CRMP1: variants seen among roughly 807,000 people sequenced by gnomAD.
CRMP1 encodes dihydropyrimidinase-related protein 1.
Under a neutral mutation model 68.3 loss-of-function variants are expected in CRMP1, and 19 were observed. The ratio of observed to expected loss-of-function variants is 0.28; its 90% CI spans 0.19 to 0.41. The LOEUF is 0.41. Ranked by LOEUF, CRMP1 falls within the 10% of genes least tolerant of loss-of-function variation. CRMP1 has a pLI of 1.00. For synonymous variants in CRMP1, 439 were observed against 399.6 expected (o/e 1.10, Z -1.18); for missense variants, 791 against 967.4 (o/e 0.82, Z 2.42).
In CRMP1 at chr4:5,893,076, G is replaced by A. The variant is rs1348973168; in HGVS notation, c.-107C>T. 1.6e-4 allele frequency: 128 copies of A among 783,656 alleles called. No homozygotes were observed. Among genetic ancestry groups the A allele is most frequent in the Non-Finnish European group, 1.9e-4 (123 of 647,160 alleles). 48.5% of individuals were successfully genotyped at this position (783,656 alleles called of 1,614,324 possible). On this transcript the variant is annotated 5_prime_UTR_variant, in exon 1 of 14. Transcript: ENST00000324989. ...CTCGGTGCGGGCCTGCGGCGGCCCGGGCGCGACTGCGGCCCAGGGAGGGGA... is the reference window on the plus strand; with the variant it reads ...CTCGGTGCGGGCCTGCGGCGGCCCGAGCGCGACTGCGGCCCAGGGAGGGGA...
At position 5,860,210 on chromosome 4, in the gene CRMP1, G is replaced by A. The variant is rs904515191; in HGVS notation, c.655+816C>T. ...ACTGACCTTGGCCAATGGAATGTGG[G>A]TGGAAGTTGCAGCATGGAAGTGAGG... On this transcript the variant is annotated intron_variant, in intron 3 of 13. Coordinates refer to ENST00000324989, the MANE Select transcript of CRMP1 (RefSeq NM_001014809.3). The surrounding 1 kb of genome is among the most constrained non-coding windows in gnomAD (Gnocchi z 4.2). 6.6e-6 allele frequency among the ~76,000 whole-genome samples: 1 copy of A among 152,192 alleles called. No individual in the cohort carries two copies.
Position 5,839,584 on chromosome 4 carries a change from C to A in CRMP1, c.1248G>T (p.Val416=). The A allele has an allele frequency of 6.2e-7, 1 of 1,612,678 alleles. No homozygotes were observed. Among genetic ancestry groups the A allele is most frequent in the Non-Finnish European group, 8.5e-7 (1 of 1,179,418 alleles). ...SKNWAKAAAF[V]TSPPLSPDPT... ...GGTCCGGGCTCAGGGGAGGGGAAGT[C>A]ACGAACGCCGCAGCCTTGGCCCAGT... The change falls in exon 9 of 14, where the codon GTG becomes GTT. Residue 416 remains valine (V), a synonymous_variant. Transcript: ENST00000324989.
Position 5,853,628 on chromosome 4 carries a change from G to C in CRMP1, c.821-2159C>G, listed in dbSNP as rs562584606. Among the ~76,000 whole-genome samples, 32 of 152,252 alleles carry C rather than the reference G, an allele frequency of 2.1e-4. No individual in the cohort carries two copies. Among genetic ancestry groups the C allele is most frequent in the Middle Eastern group, 3.4e-3 (1 of 294 alleles). ...AGGAATTGAAATCAGAATACCCAGG[G>C]GATATCCCCACTCCCGTGTTCATTG... On this transcript the variant is annotated intron_variant, in intron 4 of 13. Transcript: ENST00000324989. This position sits in a 1 kb window ranked among gnomAD's most constrained non-coding sequence, Gnocchi z 4.7.
rs1220264278 is a variant in CRMP1 at position 5,888,868 on chromosome 4, C to A, written c.381+3721G>T. Among the ~76,000 whole-genome samples the A allele has an allele frequency of 6.6e-6, 1 of 151,880 alleles. No homozygotes were observed. Among genetic ancestry groups the A allele is most frequent in the Non-Finnish European group, 1.5e-5 (1 of 67,940 alleles). Reference sequence around the variant, plus strand: ...GTGTGGGACGGGGGCCAAGGATCGGCCCAAGCTGCTGGGAACGTTCTTGTC... The same window carrying A: ...GTGTGGGACGGGGGCCAAGGATCGGACCAAGCTGCTGGGAACGTTCTTGTC... On this transcript the variant is annotated intron_variant, in intron 1 of 13. Coordinates refer to ENST00000324989, the MANE Select transcript of CRMP1 (RefSeq NM_001014809.3). This position sits in a 1 kb window ranked among gnomAD's most constrained non-coding sequence, Gnocchi z 6.4.
rs1233225331 is a variant in CRMP1, at chr4:5,854,409, T to C, written c.820+1734A>G. ...ACCACTCCTGGCTATGTTTTTTTTT[T>C]TTTTTTTTTTTTTTTAATAGAGTCG... On this transcript the variant is annotated intron_variant, in intron 4 of 13. Coordinates refer to ENST00000324989, the MANE Select transcript of CRMP1 (RefSeq NM_001014809.3). The surrounding 1 kb of genome is among the most constrained non-coding windows in gnomAD (Gnocchi z 4.0). 1.4e-5 allele frequency among the ~76,000 whole-genome samples: 2 copies of C among 147,094 alleles called. No individual in the cohort carries two copies. Among genetic ancestry groups the C allele is most frequent in the Non-Finnish European group, 3.0e-5 (2 of 66,734 alleles).
At chr4:5,845,678 TTTG>T (rs1712135774) in intron 6 of CRMP1, among the ~76,000 whole-genome samples, 1 of 152,198 alleles carries the variant, frequency 6.6e-6, no homozygotes. Flanking sequence ...TCTGAAGTAA[TTTG>T]TTATGCAATC....
Position 5,888,103 on chromosome 4 carries a change from C to T in CRMP1, c.381+4486G>A. On this transcript the variant is annotated intron_variant, in intron 1 of 13. Coordinates refer to ENST00000324989, the MANE Select transcript of CRMP1 (RefSeq NM_001014809.3). The surrounding 1 kb of genome is among the most constrained non-coding windows in gnomAD (Gnocchi z 6.4). ...AAATCCCGAGACCGGCCCCGCCCCA[C>T]CCGCGGCGACGCAGGAGGCCTCGGG... 8.9e-7 allele frequency: 1 copy of T among 1,127,628 alleles called. No individual in the cohort carries two copies. 69.9% of individuals were successfully genotyped at this position (1,127,628 alleles called of 1,614,324 possible).
At chr4:5,823,544 T>C (rs1260090308) in intron 13 of CRMP1, among the ~76,000 whole-genome samples, 1 of 152,216 alleles carries the variant, frequency 6.6e-6, no homozygotes, top group Non-Finnish European at 1.5e-5. Flanking sequence ...GGGGTTTGGG[T>C]CATGAAGGAC....
In CRMP1 at chr4:5,861,165, A is replaced by C; in HGVS notation, c.516T>G (p.Ile172Met). 1 of 1,614,214 alleles carries C rather than the reference A, an allele frequency of 6.2e-7. No individual in the cohort carries two copies. Among genetic ancestry groups the C allele is most frequent in the Non-Finnish European group, 8.5e-7 (1 of 1,180,038 alleles). The change falls in exon 3 of 14, where the codon ATT (isoleucine) becomes ATG (methionine). Residue 172 changes from isoleucine to methionine, a missense_variant. By Grantham distance (10) the Ile-to-Met change is conservative. Around this residue, in one of 3 missense-constraint regions of CRMP1, gnomAD observed 594 missense variants for 763.6 expected, o/e 0.78. Transcript: ENST00000324989. This position sits in a 1 kb window ranked among gnomAD's most constrained non-coding sequence, Gnocchi z 6.0. ...NLIVPGGVKT[I>M]EANGRMVIPG... ...GAATAACCATCCGCCCGTTGGCTTC[A>C]ATGGTCTTCACTCCACCAGGAACGA...
chr4:5,868,261 CTA>C (rs60816757), intron 1 of CRMP1, among the ~76,000 whole-genome samples: 4,568 of 110,940 alleles, frequency 0.041, 100 homozygotes, highest in Non-Finnish European at 0.049. Context: ...GACTATATAT[CTA>C]TATATATATA....
Position 5,865,390 on chromosome 4 carries a change from G to C in CRMP1, c.470+1278C>G, listed in dbSNP as rs1027818411. Reference sequence around the variant, plus strand: ...TAATCCCAGCACTTTGGGAGGCCGAGGCGAGCGGATCACGAGGTCAGGAGA... The same window carrying C: ...TAATCCCAGCACTTTGGGAGGCCGACGCGAGCGGATCACGAGGTCAGGAGA... On this transcript the variant is annotated intron_variant, in intron 2 of 13. Transcript: ENST00000324989. The surrounding 1 kb of genome is among the most constrained non-coding windows in gnomAD (Gnocchi z 4.1). 3.9e-5 allele frequency among the ~76,000 whole-genome samples: 6 copies of C among 152,086 alleles called. No individual in the cohort carries two copies. The highest frequency in any genetic ancestry group is 1.4e-4 in the African/African-American group (6 of 41,414).
chr4:5,822,246 G>T (rs1010779129), intron 13 of CRMP1, among the ~76,000 whole-genome samples: 3 of 152,198 alleles, frequency 2.0e-5, no homozygotes, highest in Admixed American at 1.3e-4. Context: ...CCAACTTACG[G>T]GTGAGCAATT....
chr4:5,855,850 T>C lies in CRMP1; in HGVS notation c.820+293A>G, dbSNP rs917671699. Among the ~76,000 whole-genome samples the C allele has an allele frequency of 1.3e-5, 2 of 152,116 alleles. No individual in the cohort carries two copies. The highest frequency in any genetic ancestry group is 2.9e-5 in the Non-Finnish European group (2 of 68,006). On this transcript the variant is annotated intron_variant, in intron 4 of 13. Coordinates refer to ENST00000324989, the MANE Select transcript of CRMP1 (RefSeq NM_001014809.3). The surrounding 1 kb of genome is among the most constrained non-coding windows in gnomAD (Gnocchi z 4.9). ...GTTTCAGGGATGGCAGCCAGGCTAG[T>C]GATCCGGGTGATGGAAAAGAAAAGT...
chr4:5,837,698 A>AAAATAAAATAAAATG (rs1560492452), intron 9 of CRMP1, among the ~76,000 whole-genome samples: 15 of 150,964 alleles, frequency 9.9e-5, no homozygotes, highest in African/African-American at 3.2e-4. Context: ...AAAATAAAAT[A>AAAATAAAATAAAATG]AAAAATGAAT....
chr4:5,846,779 T>A (rs1712247093), intron 6 of CRMP1, among the ~76,000 whole-genome samples: 1 of 122,554 alleles, frequency 8.2e-6, no homozygotes, highest in African/African-American at 2.9e-5. Flanking sequence ...TTTTTTTTTT[T>A]TTTTTTTTTT....
intron 5 of CRMP1, among the ~76,000 whole-genome samples, chr4:5,849,738 C>T (rs1021955736): frequency 6.6e-6 from 1 of 152,192 alleles, no homozygotes; most frequent in African/African-American, 2.4e-5. Context: ...TGAAGACAGA[C>T]TCAATCTCAG....
intron 1 of CRMP1, among the ~76,000 whole-genome samples, chr4:5,886,214 A>G (rs1009573249): frequency 1.3e-5 from 2 of 152,170 alleles, no homozygotes; most frequent in Admixed American, 6.5e-5. Flanking sequence ...TCTCCTTCCC[A>G]TGCTCATTGA....
intron 4 of CRMP1, among the ~76,000 whole-genome samples, chr4:5,852,608 G>T (rs1233890322): frequency 1.3e-5 from 2 of 152,208 alleles, no homozygotes; most frequent in African/African-American, 4.8e-5. Flanking sequence ...GTTACTAAAG[G>T]CATCTTTCAT....
intron 13 of CRMP1, among the ~76,000 whole-genome samples, chr4:5,824,132 G>A (rs1431000366): frequency 6.6e-6 from 1 of 152,164 alleles, no homozygotes; most frequent in Non-Finnish European, 1.5e-5. Context: ...AGGATTTTCT[G>A]TCCATGTTTA....
Sources: gnomAD v4.1 joint callset for allele counts (sites outside exome capture counted in the v4.1 genomes callset) on GRCh38, gnomAD v4.1.1 for gene constraint, gnomAD v4.1.1 regional missense constraint, Gnocchi (gnomAD v3.1) non-coding constraint, MANE v1.5 for transcripts, NCBI Gene and HGNC (gene_info 2026-07-23, HGNC 2026-07-21) for gene names.